WDR70: variants seen among roughly 807,000 people sequenced by gnomAD.
WDR70 encodes the protein WD repeat-containing protein 70.
WDR70 carries 53 observed loss-of-function variants against 88.6 expected under a neutral mutation model. That is an observed-to-expected ratio of 0.60 (90% CI 0.48 to 0.75). WDR70 has a LOEUF of 0.75. WDR70 is among the 30% of genes least tolerant of loss of function. The pLI, the probability that WDR70 is intolerant of heterozygous loss-of-function variation, is 0.00. For missense variants in WDR70, 610 were observed against 823.2 expected (o/e 0.74, Z 3.17); for synonymous variants, 280 against 270.0 (o/e 1.04, Z -0.36).
At chr5:37,630,562 A>G (rs1199553252) in intron 10 of WDR70, among the ~76,000 whole-genome samples, 3 of 152,160 alleles carry the variant, frequency 2.0e-5, no homozygotes, top group Non-Finnish European at 4.4e-5. Flanking sequence ...TGGTTTGGCT[A>G]GCCCAAGGAT....
At chr5:37,602,132 T>A (rs1167195400) in intron 9 of WDR70, among the ~76,000 whole-genome samples, 1 of 151,964 alleles carries the variant, frequency 6.6e-6, no homozygotes, top group African/African-American at 2.4e-5. Flanking sequence ...GACGGGATGA[T>A]GGGTGCAGCA....
intron 8 of WDR70, among the ~76,000 whole-genome samples, chr5:37,507,862 A>G (rs1740608861): frequency 6.6e-6 from 1 of 152,054 alleles, no homozygotes; most frequent in African/African-American, 2.4e-5. Flanking sequence ...ATTTTTTTGA[A>G]TGTTGTTTTT....
At chr5:37,684,630 T>G (rs1272802850) in intron 10 of WDR70, among the ~76,000 whole-genome samples, 1 of 152,236 alleles carries the variant, frequency 6.6e-6, no homozygotes, top group African/African-American at 2.4e-5. Context: ...TATCACAACC[T>G]GATTTTGTTT....
At chr5:37,658,890 T>A (rs1216171991) in intron 10 of WDR70, among the ~76,000 whole-genome samples, 3 of 152,208 alleles carry the variant, frequency 2.0e-5, no homozygotes, top group African/African-American at 7.2e-5. Flanking sequence ...GAAGTTTTAT[T>A]TTCAATGTTT....
chr5:37,412,123 A>C (rs1213208811), intron 5 of WDR70, among the ~76,000 whole-genome samples: 4 of 152,162 alleles, frequency 2.6e-5, no homozygotes, highest in Admixed American at 1.3e-4. Flanking sequence ...GCTATGGCAC[A>C]TGTCTGTAAT....
chr5:37,449,638 A>G (rs552450945), intron 7 of WDR70, among the ~76,000 whole-genome samples: 2 of 151,208 alleles, frequency 1.3e-5, no homozygotes, highest in East Asian at 3.9e-4. Context: ...AATAAATAAA[A>G]TCAAATGCTC....
intron 8 of WDR70, among the ~76,000 whole-genome samples, chr5:37,480,939 C>CT (rs1184464483): frequency 2.6e-5 from 4 of 152,314 alleles, no homozygotes; most frequent in East Asian, 1.9e-4. Context: ...GGTAAATACA[C>CT]TTTTTTCAAA....
At chr5:37,489,831 C>T (rs974173113) in intron 8 of WDR70, among the ~76,000 whole-genome samples, 8 of 151,604 alleles carry the variant, frequency 5.3e-5, no homozygotes, top group Non-Finnish European at 8.8e-5. Context: ...TTTTAGGGTA[C>T]ATGTGCACAA....
chr5:37,571,680 C>G (rs923834622), intron 9 of WDR70, among the ~76,000 whole-genome samples: 2 of 152,116 alleles, frequency 1.3e-5, no homozygotes, highest in African/African-American at 4.8e-5. Flanking sequence ...GATAGATAGA[C>G]AGATAGATGC....
Position 37,637,282 on chromosome 5 carries a change from A to G in WDR70, c.1092+32044A>G, listed in dbSNP as rs1744996264. ...CTTGAACCTGAGAGGCGAAGTTTGCAGTGAGCCAAGATCGCCTGGGCTACA... is the reference window on the plus strand; with the variant it reads ...CTTGAACCTGAGAGGCGAAGTTTGCGGTGAGCCAAGATCGCCTGGGCTACA... On this transcript the variant is annotated intron_variant, in intron 10 of 17. Coordinates refer to ENST00000265107, the MANE Select transcript of WDR70 (RefSeq NM_018034.4). Among the ~76,000 whole-genome samples the G allele has an allele frequency of 4.6e-5, 7 of 151,920 alleles. 1 individual carries two copies. The highest frequency in any genetic ancestry group is 2.6e-4 in the Admixed American group (4 of 15,272).
At chr5:37,699,373 G>GTA (rs1202118362) in intron 11 of WDR70, among the ~76,000 whole-genome samples, 2 of 118,168 alleles carry the variant, frequency 1.7e-5, no homozygotes, top group South Asian at 2.9e-4. Context: ...GTGTGTGTGT[G>GTA]TATATATATG....
At chr5:37,445,324 C>T (rs1225268526) in intron 7 of WDR70, among the ~76,000 whole-genome samples, 1 of 151,904 alleles carries the variant, frequency 6.6e-6, no homozygotes, top group East Asian at 1.9e-4. Flanking sequence ...TCCAGATACT[C>T]ATCATTCTTT....
chr5:37,398,520 G>A (rs747038076), intron 5 of WDR70, among the ~76,000 whole-genome samples: 2 of 152,126 alleles, frequency 1.3e-5, no homozygotes, highest in African/African-American at 2.4e-5. Context: ...TGTCAAAATC[G>A]GTATTCTTTG....
intron 10 of WDR70, among the ~76,000 whole-genome samples, chr5:37,685,452 C>T (rs1374800607): frequency 1.3e-5 from 2 of 151,976 alleles, no homozygotes; most frequent in Non-Finnish European, 2.9e-5. Context: ...TGATATAGGC[C>T]CCCAGGGTTG....
At position 37,390,364 on chromosome 5, in the gene WDR70, G is replaced by A. The variant is rs368209877; in HGVS notation, c.176-1636G>A. Among the ~76,000 whole-genome samples, 3 of 136,660 alleles carry A rather than the reference G, an allele frequency of 2.2e-5. No individual in the cohort carries two copies. In the East Asian group the frequency reaches 6.6e-4, roughly 30 times the overall value. The allele number at this position is 136,660 out of a possible 152,430, so 89.7% of individuals were successfully genotyped here. A position where few individuals can be genotyped will look rare whatever the true frequency, so the allele number is the denominator to read the frequency against. On this transcript the variant is annotated intron_variant, in intron 3 of 17. Coordinates refer to ENST00000265107, the MANE Select transcript of WDR70 (RefSeq NM_018034.4). ...AATTTTTTTTTTTTTTTTGGAGACC[G>A]AGTCTCACTCAGTCGCCCAGGCTAG... is the stretch of plus-strand genomic sequence containing the variant.
At position 37,393,768 on chromosome 5, in the gene WDR70, C is replaced by T. The variant is rs116656195; in HGVS notation, c.296+1648C>T. Among the ~76,000 whole-genome samples, 1,406 of 152,152 alleles carry T rather than the reference C, an allele frequency of 9.2e-3. 24 individuals are homozygous for T. Among genetic ancestry groups the T allele is most frequent in the African/African-American group, 0.032 (1,341 of 41,508 alleles). ...CATTCTTAACTCACTGCAACCTTCG[C>T]CTCCCAGACTCAAGTGATCCTCCCA... On this transcript the variant is annotated intron_variant, in intron 4 of 17. Coordinates refer to ENST00000265107, the MANE Select transcript of WDR70 (RefSeq NM_018034.4).
rs5867348 is a variant in WDR70 at position 37,402,944 on chromosome 5, G to GTTTTTTTTTT, written c.492+6385_492+6394dup. On this transcript the variant is annotated intron_variant, in intron 5 of 17. Transcript: ENST00000265107. ...TTTCCCTCCTTCCCTCCCTCCCTCC[G>GTTTTTTTTTT]TTTTTTTTTTTTTTTTTTTTGAGTC... is the stretch of plus-strand genomic sequence containing the variant. Among the ~76,000 whole-genome samples, 126 of 84,378 alleles carry GTTTTTTTTTT rather than the reference G, an allele frequency of 1.5e-3. 11 individuals are homozygous for GTTTTTTTTTT. The highest frequency in any genetic ancestry group is 5.7e-3 in the African/African-American group (111 of 19,480). 55.4% of individuals were successfully genotyped at this position (84,378 alleles called of 152,430 possible).
chr5:37,383,560 C>A (rs566689055), intron 3 of WDR70, among the ~76,000 whole-genome samples: 139 of 150,736 alleles, frequency 9.2e-4, no homozygotes, highest in African/African-American at 3.3e-3. Flanking sequence ...CTGTGCCAGG[C>A]CAAAACCCAT....
At chr5:37,600,420 G>T (rs1199251322) in intron 9 of WDR70, among the ~76,000 whole-genome samples, 1 of 151,840 alleles carries the variant, frequency 6.6e-6, no homozygotes, top group African/African-American at 2.4e-5. Flanking sequence ...CCAGCTACTC[G>T]GGAGGCTAAG....
Sources: gnomAD v4.1 joint callset for allele counts (sites outside exome capture counted in the v4.1 genomes callset) on GRCh38, gnomAD v4.1.1 for gene constraint, MANE v1.5 for transcripts, NCBI Gene and HGNC (gene_info 2026-07-23, HGNC 2026-07-21) for gene names.